The following PLAGL1 variants were observed in gnomAD, a reference collection of about 807,000 sequenced individuals.
PLAGL1 encodes the protein zinc finger protein PLAGL1.
In PLAGL1, 1 loss-of-function variant was observed where a neutral mutation model predicts 4.6. The observed-to-expected ratio is 0.22, with a 90% CI of 0.08 to 1.03. PLAGL1 has a LOEUF of 1.03. Ranked by LOEUF, PLAGL1 falls within the 50% of genes least tolerant of loss-of-function variation. The pLI is 0.58. For synonymous variants in PLAGL1, 240 were observed against 237.8 expected (o/e 1.01, Z -0.08); for missense variants, 464 against 570.4 (o/e 0.81, Z 1.90).
chr6:144,019,732 T>C (rs1253257434), intron 1 of PLAGL1, among the ~76,000 whole-genome samples: 1 of 151,612 alleles, frequency 6.6e-6, no homozygotes. Context: ...GGGGAGCACA[T>C]TGTACTGTTC....
chr6:143,985,778 G>A lies in PLAGL1; in HGVS notation c.-583-604C>T, dbSNP rs117520563. Among the ~76,000 whole-genome samples the A allele has an allele frequency of 0.015, 2,224 of 151,024 alleles. 20 individuals carry two copies. Among genetic ancestry groups the A allele is most frequent in the Middle Eastern group, 0.038 (11 of 290 alleles). ...GATCACTCATTTCAAAAATCAAAACGCAAAAAGTAAGGGAGTCAGAAATGT... is the reference window on the plus strand; with the variant it reads ...GATCACTCATTTCAAAAATCAAAACACAAAAAGTAAGGGAGTCAGAAATGT... On this transcript the variant is annotated intron_variant, in intron 1 of 7. Transcript: ENST00000674357. This position sits in a 1 kb window ranked among gnomAD's most constrained non-coding sequence, Gnocchi z 4.4.
At chr6:144,044,051 A>G (rs1797939823) in intron 1 of PLAGL1, among the ~76,000 whole-genome samples, 1 of 152,008 alleles carries the variant, frequency 6.6e-6, no homozygotes, top group South Asian at 2.1e-4. Context: ...TATTGTGTCT[A>G]TTTGATTCTT....
upstream of PLAGL1, among the ~76,000 whole-genome samples, chr6:144,012,053 C>G (rs552646996): frequency 6.6e-6 from 1 of 152,250 alleles, no homozygotes; most frequent in African/African-American, 2.4e-5. The surrounding 1 kb of genome is among the most constrained non-coding windows in gnomAD (Gnocchi z 4.8). Context: ...GAGGGCTGGG[C>G]AGACATAGGT....
upstream of PLAGL1, among the ~76,000 whole-genome samples, chr6:144,012,671 G>A (rs1795273052): frequency 1.3e-5 from 2 of 152,102 alleles, no homozygotes; most frequent in African/African-American, 2.4e-5. The surrounding 1 kb of genome is among the most constrained non-coding windows in gnomAD (Gnocchi z 4.8). Context: ...TATTTCCACA[G>A]TGGTCTCTTT....
chr6:144,034,175 G>A lies in PLAGL1; in HGVS notation c.-151+30293C>T, dbSNP rs1486932967. Among the ~76,000 whole-genome samples the A allele has an allele frequency of 6.6e-6, 1 of 152,192 alleles. No individual in the cohort carries two copies. Among genetic ancestry groups the A allele is most frequent in the Non-Finnish European group, 1.5e-5 (1 of 68,038 alleles). ...TTACATGTAAAACCACGTTGTTGGA[G>A]GAGGGGGTGCCCCAGCTTAGCGAAC... is the stretch of plus-strand genomic sequence containing the variant. On this transcript the variant is annotated intron_variant, in intron 1 of 3. Transcript: ENST00000437412. This position sits in a 1 kb window ranked among gnomAD's most constrained non-coding sequence, Gnocchi z 4.7.
Position 143,941,879 on chromosome 6 carries a change from G to A in PLAGL1, c.937C>T (p.Leu313Phe). 1 of 1,614,126 alleles carries A rather than the reference G, an allele frequency of 6.2e-7. No homozygotes were observed. Among genetic ancestry groups the A allele is most frequent in the Non-Finnish European group, 8.5e-7 (1 of 1,180,016 alleles). The change falls in exon 8 of 8, where the codon CTT becomes TTT. Residue 313 changes from leucine (L) to phenylalanine (F), a missense_variant. Physicochemically the swap from Leu to Phe is conservative, Grantham distance 22. Around this residue, in one of 4 missense-constraint regions of PLAGL1, gnomAD observed 248 missense variants for 250.1 expected, o/e 0.99. Coordinates refer to ENST00000674357, the MANE Select transcript of PLAGL1 (RefSeq NM_001317162.2). This position sits in a 1 kb window ranked among gnomAD's most constrained non-coding sequence, Gnocchi z 6.0. ...YNTTSTSYSP[L>F]ASLPLKADTK... ...TCTGCTTTGAGGGGCAGGCTTGCAA[G>A]TGGGGAGTATGAGGTAGAAGTGGTG...
At position 143,948,154 on chromosome 6, in the gene PLAGL1, C is replaced by T; in HGVS notation, c.-18G>A. The T allele has an allele frequency of 6.2e-7, 1 of 1,610,284 alleles. No homozygotes were observed. Among genetic ancestry groups the T allele is most frequent in the South Asian group, 1.1e-5 (1 of 90,878 alleles). On this transcript the variant is annotated 5_prime_UTR_variant, in exon 7 of 8. In the 5' UTR this introduces an upstream ATG that the reference lacks. Transcript: ENST00000674357. This position sits in a 1 kb window ranked among gnomAD's most constrained non-coding sequence, Gnocchi z 6.0. ...GTGGCCATGGGCTTTGCTTCTCACA[C>T]CTTCCTTTTCAGATGTGCTGACCAA...
At chr6:144,052,368 G>C (rs1216319343) in intron 1 of PLAGL1, among the ~76,000 whole-genome samples, 1 of 152,202 alleles carries the variant, frequency 6.6e-6, no homozygotes, top group African/African-American at 2.4e-5. Context: ...GAGGCAGTGT[G>C]ATACAAAGAA....
chr6:144,044,910 A>C (rs182103839), intron 1 of PLAGL1, among the ~76,000 whole-genome samples: 228 of 149,182 alleles, frequency 1.5e-3, no homozygotes, highest in African/African-American at 5.3e-3. Flanking sequence ...TGAATTGATC[A>C]CTTTACCATT....
Position 144,056,672 on chromosome 6 carries a change from G to T in PLAGL1, c.-151+7796C>A, listed in dbSNP as rs1015975284. Among the ~76,000 whole-genome samples the T allele has an allele frequency of 1.3e-5, 2 of 151,278 alleles. No individual in the cohort carries two copies. The highest frequency in any genetic ancestry group is 2.9e-5 in the Non-Finnish European group (2 of 67,938). ...TTGATAGCTCTTTGTTTTTGTTTTT[G>T]TTTTTTTAAATTTAGACAGGTTATC... is the stretch of plus-strand genomic sequence containing the variant. On this transcript the variant is annotated intron_variant, in intron 1 of 3. Coordinates refer to the PLAGL1 transcript ENST00000437412. This position sits in a 1 kb window ranked among gnomAD's most constrained non-coding sequence, Gnocchi z 4.7.
chr6:144,002,853 C>T (rs1439239173), intron 1 of PLAGL1, among the ~76,000 whole-genome samples: 6 of 142,088 alleles, frequency 4.2e-5, no homozygotes, highest in Non-Finnish European at 9.1e-5. Flanking sequence ...TCTGTAGAGT[C>T]AATGCAATCC....
intron 3 of PLAGL1, chr6:143,967,986 A>G (rs1450006107): frequency 2.8e-5 from 4 of 142,842 alleles, no homozygotes; most frequent in African/African-American, 1.1e-4. Flanking sequence ...ATGACCATCA[A>G]GGACATTTTG....
At chr6:143,943,029 TAA>T in intron 7 of PLAGL1, among the ~76,000 whole-genome samples, 2 of 120,904 alleles carry the variant, frequency 1.7e-5, no homozygotes, top group South Asian at 2.9e-4. Flanking sequence ...CAGGCCTGGC[TAA>T]TTTTTTTTTT....
chr6:143,956,153 C>T (rs908352587), intron 6 of PLAGL1, among the ~76,000 whole-genome samples: 5 of 152,194 alleles, frequency 3.3e-5, no homozygotes, highest in Admixed American at 6.5e-5. Context: ...CATGGGTGGC[C>T]TCATATCCTG....
rs990444147 is a variant in PLAGL1 at position 144,053,601 on chromosome 6, A to G, written c.-151+10867T>C. 7.2e-5 allele frequency among the ~76,000 whole-genome samples: 11 copies of G among 152,216 alleles called. No homozygotes were observed. Among genetic ancestry groups the G allele is most frequent in the African/African-American group, 2.7e-4 (11 of 41,458 alleles). On this transcript the variant is annotated intron_variant, in intron 1 of 3. Coordinates refer to the PLAGL1 transcript ENST00000437412. This position sits in a 1 kb window ranked among gnomAD's most constrained non-coding sequence, Gnocchi z 4.0. Reference sequence around the variant, plus strand: ...TTAAATATGATGGACAGTACAGACAATAAGTCCCTACAGGACTTATTTGGA... The same window carrying G: ...TTAAATATGATGGACAGTACAGACAGTAAGTCCCTACAGGACTTATTTGGA...
At position 143,942,280 on chromosome 6, in the gene PLAGL1, G is replaced by A; in HGVS notation, c.536C>T (p.Thr179Ile). Reference sequence around the variant, plus strand: ...CTGGCACAGGAAGTCCTTGCATCCTGTGTGGACCACCAGGTGGCGTCGCAC... The same window carrying A: ...CTGGCACAGGAAGTCCTTGCATCCTATGTGGACCACCAGGTGGCGTCGCAC... ...KDVRRHLVVH[T>I]GCKDFLCQFC... Residue 179 changes from threonine to isoleucine, a missense_variant, in exon 8 of 8, where the codon ACA becomes ATA. Physicochemically the swap from Thr to Ile is moderately conservative, Grantham distance 89 (BLOSUM62 -1). Around this residue, in one of 4 missense-constraint regions of PLAGL1, gnomAD observed 35 missense variants for 77.3 expected, o/e 0.45. Coordinates refer to ENST00000674357, the MANE Select transcript of PLAGL1 (RefSeq NM_001317162.2). The surrounding 1 kb of genome is among the most constrained non-coding windows in gnomAD (Gnocchi z 7.6). 1 of 1,614,124 alleles carries A rather than the reference G, an allele frequency of 6.2e-7. No homozygotes were observed. Among genetic ancestry groups the A allele is most frequent in the African/African-American group, 1.3e-5 (1 of 75,020 alleles).
chr6:143,999,397 A>T (rs1792351774), intron 1 of PLAGL1, among the ~76,000 whole-genome samples: 1 of 152,236 alleles, frequency 6.6e-6, no homozygotes, highest in South Asian at 2.1e-4. Context: ...AAATATTCCA[A>T]ATATGGAAAT....
chr6:143,984,098 A>G lies in PLAGL1; in HGVS notation c.-544+1037T>C, dbSNP rs908817036. On this transcript the variant is annotated intron_variant, in intron 2 of 7. Transcript: ENST00000674357. The surrounding 1 kb of genome is among the most constrained non-coding windows in gnomAD (Gnocchi z 5.5). ...ATGTTGTCTTATAACTATATTTATA[A>G]TAATGATTTAGGCCTAACTCCAAGT... Among the ~76,000 whole-genome samples the G allele has an allele frequency of 1.3e-5, 2 of 152,198 alleles. No individual in the cohort carries two copies. The highest frequency in any genetic ancestry group is 4.8e-5 in the African/African-American group (2 of 41,454).
chr6:144,023,534 C>G (rs748737559), intron 1 of PLAGL1, among the ~76,000 whole-genome samples: 1 of 152,014 alleles, frequency 6.6e-6, no homozygotes, highest in African/African-American at 2.4e-5. Flanking sequence ...AGGAACTGCA[C>G]GAAAAATAAG....
Sources: allele counts gnomAD v4.1 joint callset (sites outside exome capture counted in the v4.1 genomes callset), GRCh38; gene constraint gnomAD v4.1.1; regional missense constraint gnomAD v4.1.1; non-coding constraint Gnocchi (gnomAD v3.1); transcripts MANE v1.5; gene names NCBI Gene and HGNC (gene_info 2026-07-23, HGNC 2026-07-21).